STXBP6: variants seen among roughly 807,000 people sequenced by gnomAD.
STXBP6 encodes syntaxin binding protein 6, also known as syntaxin-binding protein 6.
A neutral mutation model predicts 26.9 loss-of-function variants in STXBP6; 21 were observed. The ratio of observed to expected loss-of-function variants is 0.78; its 90% CI spans 0.55 to 1.12. The LOEUF is 1.12. STXBP6 is among the 50% of genes most tolerant of loss of function. The pLI is 0.00. For missense variants in STXBP6, 232 were observed against 257.9 expected (o/e 0.90, Z 0.69); for synonymous variants, 97 against 92.6 (o/e 1.05, Z -0.27).
chr14:25,025,578 C>T (rs1263515670), intron 1 of STXBP6, among the ~76,000 whole-genome samples: 1 of 152,112 alleles, frequency 6.6e-6, no homozygotes, highest in Non-Finnish European at 1.5e-5. Flanking sequence ...CTGATGCAGC[C>T]AGTGTTGCTA....
At chr14:24,850,174 T>G (rs854316) in intron 4 of STXBP6, among the ~76,000 whole-genome samples, 31,845 of 151,994 alleles carry the variant, frequency 0.21, 3,496 homozygotes, top group East Asian at 0.37. Context: ...GGGATGACTT[T>G]GTATTGTTTG....
At chr14:24,965,605 A>G (rs2073710028) in intron 2 of STXBP6, among the ~76,000 whole-genome samples, 1 of 152,190 alleles carries the variant, frequency 6.6e-6, no homozygotes, top group Non-Finnish European at 1.5e-5. Flanking sequence ...TACACAGTTC[A>G]GTTATTCTTC....
chr14:24,901,267 T>C (rs563042616), intron 2 of STXBP6, among the ~76,000 whole-genome samples: 5 of 152,158 alleles, frequency 3.3e-5, no homozygotes, highest in African/African-American at 1.2e-4. Flanking sequence ...TGATTTACGA[T>C]CATTTTAGAC....
intron 2 of STXBP6, among the ~76,000 whole-genome samples, chr14:24,890,524 CACTA>C (rs1377069982): frequency 6.6e-6 from 1 of 152,082 alleles, no homozygotes; most frequent in Non-Finnish European, 1.5e-5. Flanking sequence ...TGAAGGGACC[CACTA>C]ACTACTAGTA....
intron 2 of STXBP6, among the ~76,000 whole-genome samples, chr14:24,857,394 G>C (rs1351380809): frequency 6.6e-6 from 1 of 152,150 alleles, no homozygotes; most frequent in East Asian, 1.9e-4. Context: ...TAATTGTAAG[G>C]GCTGCTTCAT....
intron 2 of STXBP6, among the ~76,000 whole-genome samples, chr14:24,909,782 A>C (rs1174406539): frequency 6.6e-6 from 1 of 150,830 alleles, no homozygotes; most frequent in African/African-American, 2.4e-5. Flanking sequence ...GTGGTGTAGT[A>C]GCTGATGACA....
At chr14:24,905,600 A>G (rs756905408) in intron 2 of STXBP6, among the ~76,000 whole-genome samples, 4 of 152,214 alleles carry the variant, frequency 2.6e-5, no homozygotes, top group Non-Finnish European at 4.4e-5. Flanking sequence ...CTATGTAGCA[A>G]AAACTGCCAA....
intron 2 of STXBP6, among the ~76,000 whole-genome samples, chr14:24,924,621 T>C (rs577483930): frequency 4.7e-4 from 71 of 152,336 alleles, no homozygotes; most frequent in African/African-American, 1.6e-3. Context: ...TTCTCCATTC[T>C]TACTAGCCAT....
intron 2 of STXBP6, among the ~76,000 whole-genome samples, chr14:24,900,881 A>C (rs565601302): frequency 1.8e-4 from 27 of 152,334 alleles, no homozygotes; most frequent in Non-Finnish European, 2.8e-4. Flanking sequence ...TTGTGACTAA[A>C]CATCAGAAAT....
At chr14:24,999,481 T>C (rs1187531259) in intron 1 of STXBP6, among the ~76,000 whole-genome samples, 2 of 152,104 alleles carry the variant, frequency 1.3e-5, no homozygotes, top group Admixed American at 6.5e-5. Flanking sequence ...TAAAAAAAGA[T>C]AGACTAAAAC....
At chr14:24,833,715 GA>G (rs1594929225) in intron 4 of STXBP6, among the ~76,000 whole-genome samples, 1 of 152,214 alleles carries the variant, frequency 6.6e-6, no homozygotes, top group Non-Finnish European at 1.5e-5. Context: ...TTTAATTTGG[GA>G]GGATTTAAAA....
intron 1 of STXBP6, among the ~76,000 whole-genome samples, chr14:24,988,327 A>C (rs1032703555): frequency 5.3e-5 from 8 of 152,252 alleles, no homozygotes; most frequent in African/African-American, 1.7e-4. Flanking sequence ...GTAGGCTTGG[A>C]GATCACAGGC....
chr14:24,835,483 G>C (rs968874642), intron 4 of STXBP6, among the ~76,000 whole-genome samples: 3 of 152,108 alleles, frequency 2.0e-5, no homozygotes, highest in Middle Eastern at 3.2e-3. Context: ...TTGTATATGA[G>C]GGTGAGAGGG....
At chr14:24,992,414 TA>T (rs1444785824) in intron 1 of STXBP6, among the ~76,000 whole-genome samples, 1 of 150,398 alleles carries the variant, frequency 6.6e-6, no homozygotes, top group African/African-American at 2.5e-5. Context: ...AAAAAATAAG[TA>T]GGAAAAAAAA....
At chr14:24,892,584 C>T (rs951598434) in intron 2 of STXBP6, among the ~76,000 whole-genome samples, 1 of 152,082 alleles carries the variant, frequency 6.6e-6, no homozygotes, top group Admixed American at 6.5e-5. Context: ...ATGCAGAGGG[C>T]AGGGACCCCC....
At chr14:25,044,164 C>A in intron 1 of STXBP6, among the ~76,000 whole-genome samples, 1 of 103,272 alleles carries the variant, frequency 9.7e-6, no homozygotes, top group Admixed American at 1.2e-4. Flanking sequence ...GAATGAGACT[C>A]TGCCTCAAAA....
intron 2 of STXBP6, among the ~76,000 whole-genome samples, chr14:24,883,136 A>G (rs2139448088): frequency 6.6e-6 from 1 of 152,356 alleles, no homozygotes; most frequent in African/African-American, 2.4e-5. Context: ...AAATTATGAA[A>G]CAATATGTGA....
chr14:24,964,449 G>C (rs1222415717), intron 2 of STXBP6, among the ~76,000 whole-genome samples: 1 of 152,124 alleles, frequency 6.6e-6, no homozygotes, highest in Non-Finnish European at 1.5e-5. Flanking sequence ...GACTGGAACT[G>C]AGCTGGAAAT....
chr14:24,961,118 T>C (rs2073522242), intron 2 of STXBP6, among the ~76,000 whole-genome samples: 1 of 152,202 alleles, frequency 6.6e-6, no homozygotes, highest in South Asian at 2.1e-4. Flanking sequence ...TTTCCTAATA[T>C]GGCATTTATA....
Sources: allele counts gnomAD v4.1 joint callset (sites outside exome capture counted in the v4.1 genomes callset), GRCh38; gene constraint gnomAD v4.1.1; transcripts MANE v1.5; gene names NCBI Gene and HGNC (gene_info 2026-07-23, HGNC 2026-07-21).